KCNT2: variants seen among roughly 807,000 people sequenced by gnomAD.
The protein encoded by KCNT2 is potassium sodium-activated channel subfamily T member 2, also known as potassium channel subfamily T member 2.
In KCNT2, 67 loss-of-function variants were observed where a neutral mutation model predicts 153.8. The observed-to-expected ratio is 0.44, with a 90% CI of 0.36 to 0.53. The LOEUF (loss-of-function observed/expected upper bound fraction) is 0.53, where lower values mean the gene tolerates loss of function less well. Ranked by LOEUF, KCNT2 falls within the 20% of genes least tolerant of loss-of-function variation. The pLI, the probability that KCNT2 is intolerant of heterozygous loss-of-function variation, is 0.00. For missense variants in KCNT2, 975 were observed against 1,354.8 expected (o/e 0.72, Z 4.40); for synonymous variants, 500 against 458.8 (o/e 1.09, Z -1.15).
intron 1 of KCNT2, among the ~76,000 whole-genome samples, chr1:196,573,365 G>A (rs933006593): frequency 6.6e-6 from 1 of 152,028 alleles, no homozygotes. Flanking sequence ...CTTCTGTGAT[G>A]GGAATTTGCA....
chr1:196,483,795 C>A (rs887516981), intron 3 of KCNT2, among the ~76,000 whole-genome samples: 4 of 152,128 alleles, frequency 2.6e-5, no homozygotes, highest in African/African-American at 9.7e-5. Context: ...CTTGCAATTA[C>A]AAGTTCCATA....
intron 1 of KCNT2, among the ~76,000 whole-genome samples, chr1:196,575,836 G>T (rs1392069707): frequency 6.6e-6 from 1 of 151,634 alleles, no homozygotes; most frequent in South Asian, 2.1e-4. Flanking sequence ...AAATAAGCTG[G>T]GTGTGGAGGC....
At chr1:196,332,627 C>T (rs971724681) in intron 17 of KCNT2, among the ~76,000 whole-genome samples, 3 of 152,016 alleles carry the variant, frequency 2.0e-5, no homozygotes, top group Admixed American at 6.6e-5. Context: ...CACTACTACC[C>T]GTAATATGAC....
intron 1 of KCNT2, 45 bp downstream of exon 1, chr1:196,608,169 CT>C: frequency 6.4e-7 from 1 of 1,567,284 alleles, no homozygotes; most frequent in Non-Finnish European, 8.8e-7. Context: ...ATTTCCGTCT[CT>C]TTTTCAGCAA....
At chr1:196,408,306 G>T (rs1672003716) in intron 12 of KCNT2, among the ~76,000 whole-genome samples, 1 of 151,194 alleles carries the variant, frequency 6.6e-6, no homozygotes, top group African/African-American at 2.4e-5. Context: ...TTTCTTTCAT[G>T]ATCAATTTTG....
chr1:196,437,935 T>C (rs1465189115), intron 8 of KCNT2, among the ~76,000 whole-genome samples: 2 of 151,512 alleles, frequency 1.3e-5, no homozygotes, highest in African/African-American at 2.4e-5. Context: ...CTAAAGTGAA[T>C]GATTATGACC....
chr1:196,371,872 G>A (rs1668568514), intron 14 of KCNT2, among the ~76,000 whole-genome samples: 1 of 152,076 alleles, frequency 6.6e-6, no homozygotes, highest in South Asian at 2.1e-4. Flanking sequence ...TATCACTCAT[G>A]TATACAACAA....
At chr1:196,306,036 C>A (rs559774825) in intron 21 of KCNT2, among the ~76,000 whole-genome samples, 1 of 152,090 alleles carries the variant, frequency 6.6e-6, no homozygotes, top group East Asian at 1.9e-4. Flanking sequence ...TTTCTTTCCC[C>A]CAGAGAAAAG....
chr1:196,258,835 T>G (rs939654658), intron 25 of KCNT2, among the ~76,000 whole-genome samples: 2 of 152,124 alleles, frequency 1.3e-5, no homozygotes, highest in Non-Finnish European at 2.9e-5. Flanking sequence ...AACCAGACAT[T>G]TTACAACTTT....
chr1:196,573,086 A>G (rs746149334), intron 1 of KCNT2, among the ~76,000 whole-genome samples: 1 of 152,144 alleles, frequency 6.6e-6, no homozygotes, highest in Non-Finnish European at 1.5e-5. Flanking sequence ...TTTCCTAATG[A>G]GAGAGACAGA....
intron 3 of KCNT2, among the ~76,000 whole-genome samples, chr1:196,484,065 T>C (rs1679222374): frequency 1.3e-5 from 2 of 152,138 alleles, no homozygotes; most frequent in Non-Finnish European, 2.9e-5. Flanking sequence ...TGGAAAACTA[T>C]GTGCCACAAA....
At chr1:196,313,053 T>A (rs1662346057) in intron 21 of KCNT2, among the ~76,000 whole-genome samples, 1 of 151,574 alleles carries the variant, frequency 6.6e-6, no homozygotes, top group African/African-American at 2.4e-5. Flanking sequence ...AGTGTCAGTG[T>A]GTAGTAGATA....
chr1:196,478,904 T>C (rs1678767569), intron 5 of KCNT2, among the ~76,000 whole-genome samples: 1 of 152,202 alleles, frequency 6.6e-6, no homozygotes. Flanking sequence ...CAATGTTGAA[T>C]ACAATAAAGT....
chr1:196,321,600 G>A (rs1663319870), intron 19 of KCNT2, among the ~76,000 whole-genome samples: 2 of 151,930 alleles, frequency 1.3e-5, no homozygotes, highest in Non-Finnish European at 2.9e-5. Flanking sequence ...TTTAACATCT[G>A]TATTGTGGTA....
intron 13 of KCNT2, among the ~76,000 whole-genome samples, chr1:196,385,479 CA>C (rs2148388607): frequency 6.6e-6 from 1 of 152,014 alleles, no homozygotes; most frequent in East Asian, 1.9e-4. Context: ...CACATGACTG[CA>C]TATAAAAAGC....
chr1:196,433,234 C>G (rs1199472025), intron 8 of KCNT2, among the ~76,000 whole-genome samples: 1 of 151,978 alleles, frequency 6.6e-6, no homozygotes, highest in Non-Finnish European at 1.5e-5. Flanking sequence ...TTATATATTA[C>G]CCAGCCTCAG....
intron 2 of KCNT2, among the ~76,000 whole-genome samples, chr1:196,491,000 A>G (rs1257150376): frequency 6.6e-6 from 1 of 152,042 alleles, no homozygotes; most frequent in Non-Finnish European, 1.5e-5. Context: ...AAGGTTTTCC[A>G]ATTAAAATGC....
chr1:196,551,710 T>G (rs1443309513), intron 1 of KCNT2, among the ~76,000 whole-genome samples: 2 of 151,584 alleles, frequency 1.3e-5, no homozygotes, highest in South Asian at 2.1e-4. Context: ...TTTTTATGTG[T>G]TTTTCTGCAG....
At chr1:196,237,423 C>T (rs1234574392) in intron 26 of KCNT2, among the ~76,000 whole-genome samples, 1 of 151,634 alleles carries the variant, frequency 6.6e-6, no homozygotes, top group African/African-American at 2.4e-5. Context: ...CAATCAATAG[C>T]TCACCAAATT....
Sources: allele counts gnomAD v4.1 joint callset (sites outside exome capture counted in the v4.1 genomes callset), GRCh38; gene constraint gnomAD v4.1.1; transcripts MANE v1.5; gene names NCBI Gene and HGNC (gene_info 2026-07-23, HGNC 2026-07-21).